ZNF423: variants seen among roughly 807,000 people sequenced by gnomAD.
ZNF423 encodes the protein zinc finger protein 423, also known as Ebf-associated zinc finger protein.
A neutral mutation model predicts 95.8 loss-of-function variants in ZNF423; 12 were observed. The observed-to-expected ratio is 0.13, with a 90% CI of 0.08 to 0.20. The LOEUF (loss-of-function observed/expected upper bound fraction) is 0.20. Among genes scored for constraint, ZNF423 ranks in the 10% least tolerant of loss-of-function variants. ZNF423 has a pLI of 1.00. For synonymous variants in ZNF423, 749 were observed against 711.9 expected, an observed-to-expected ratio of 1.05 and a Z score of -0.83; for missense variants, 1,316 against 1,737.1, an observed-to-expected ratio of 0.76 and a Z score of 4.31.
chr16:49,849,945 A>G (rs1009365540), intron 1 of ZNF423, among the ~76,000 whole-genome samples: 7 of 152,200 alleles, frequency 4.6e-5, no homozygotes, highest in African/African-American at 1.7e-4. Flanking sequence ...TTTCAAAGGG[A>G]TATTACCATC....
intron 7 of ZNF423, among the ~76,000 whole-genome samples, chr16:49,507,083 C>T (rs563509076): frequency 6.6e-6 from 1 of 152,264 alleles, no homozygotes; most frequent in South Asian, 2.1e-4. Context: ...CTTTCTGACC[C>T]TAGCCAAGTC....
chr16:49,848,778 C>T (rs1211652138), intron 1 of ZNF423, among the ~76,000 whole-genome samples: 1 of 152,158 alleles, frequency 6.6e-6, no homozygotes, highest in Non-Finnish European at 1.5e-5. Flanking sequence ...CGGGGGCCCA[C>T]AATTAGTGTC....
At chr16:49,729,547 C>T (rs2033108600) in intron 3 of ZNF423, among the ~76,000 whole-genome samples, 1 of 152,020 alleles carries the variant, frequency 6.6e-6, no homozygotes, top group Non-Finnish European at 1.5e-5. Context: ...ACCATCACCT[C>T]TGCCTCTGGT....
chr16:49,646,373 G>C (rs890082739), intron 3 of ZNF423, among the ~76,000 whole-genome samples: 1 of 152,034 alleles, frequency 6.6e-6, no homozygotes, highest in Non-Finnish European at 1.5e-5. Context: ...CACACCTGAT[G>C]CCAGAACTAG....
At chr16:49,511,836 A>ACC (rs1967910705) in intron 7 of ZNF423, among the ~76,000 whole-genome samples, 1 of 152,178 alleles carries the variant, frequency 6.6e-6, no homozygotes, top group African/African-American at 2.4e-5. Flanking sequence ...CTTGACAGTA[A>ACC]ATAAACCAAG....
At chr16:49,733,866 G>A (rs977282263) in intron 2 of ZNF423, among the ~76,000 whole-genome samples, 1 of 152,204 alleles carries the variant, frequency 6.6e-6, no homozygotes, top group African/African-American at 2.4e-5. Flanking sequence ...GGCAGGGTTT[G>A]CCTCTTGCAA....
At chr16:49,503,412 T>C (rs1481639918) in intron 7 of ZNF423, among the ~76,000 whole-genome samples, 2 of 151,968 alleles carry the variant, frequency 1.3e-5, no homozygotes. Flanking sequence ...CAGATGGCCC[T>C]CCATGGTCTG....
At chr16:49,765,726 T>TA (rs1424903064) in intron 2 of ZNF423, among the ~76,000 whole-genome samples, 4 of 151,456 alleles carry the variant, frequency 2.6e-5, no homozygotes, top group Admixed American at 6.6e-5. Context: ...CCTTGAAAAA[T>TA]AAAAAAATAA....
Position 49,730,801 on chromosome 16 carries a change from T to TCAGGTCTGC in ZNF423, c.262_270dup (p.Ala88_Leu90dup). The TCAGGTCTGC allele has an allele frequency of 6.2e-7, 1 of 1,614,100 alleles. No homozygotes were observed. The highest frequency in any genetic ancestry group is 8.5e-7 in the Non-Finnish European group (1 of 1,180,024). Reference sequence around the variant, plus strand: ...GGACAGCGGTGGGCCCGGTGGTCCGTCAGGTCTGCCAGAGACTCGAAGTCC... The same window carrying TCAGGTCTGC: ...GGACAGCGGTGGGCCCGGTGGTCCGTCAGGTCTGCCAGGTCTGCCAGAGACTCGAAGTCC... On this transcript the variant is annotated inframe_insertion, in exon 3 of 8. Transcript: ENST00000563137.
chr16:49,571,892 C>G (rs1970366984), intron 5 of ZNF423, among the ~76,000 whole-genome samples: 1 of 152,150 alleles, frequency 6.6e-6, no homozygotes, highest in African/African-American at 2.4e-5. Context: ...TTCTTGCTTT[C>G]TTTGCTCCAT....
In ZNF423 at chr16:49,650,729, C is replaced by A. The variant is rs7194905; in HGVS notation, c.302-11855G>T. 3.9e-5 allele frequency among the ~76,000 whole-genome samples: 6 copies of A among 152,296 alleles called. No homozygotes were observed. The East Asian group carries it at 1.2e-3, about 29-fold the overall frequency. ...GCTTACACAGTAAGTTGTGTGGTCA[C>A]CCCAGTAATGAGGAAAAAGAACAGA... On this transcript the variant is annotated intron_variant, in intron 3 of 7. Coordinates refer to ENST00000563137, the MANE Select transcript of ZNF423 (RefSeq NM_001379286.1).
intron 3 of ZNF423, among the ~76,000 whole-genome samples, chr16:49,688,091 A>G (rs1483509329): frequency 5.7e-4 from 9 of 15,716 alleles, no homozygotes; most frequent in South Asian, 5.8e-3. Flanking sequence ...CCTGGTTGAG[A>G]GGGAAAAAAA....
intron 3 of ZNF423, among the ~76,000 whole-genome samples, chr16:49,677,315 G>GGGAAGGGAA (rs1567284187): frequency 1.7e-4 from 3 of 17,652 alleles, no homozygotes; most frequent in African/African-American, 1.4e-4. Flanking sequence ...AGAGAAAGGA[G>GGGAAGGGAA]GGGAAGGGAG....
chr16:49,656,021 A>G, intron 3 of ZNF423, among the ~76,000 whole-genome samples: 1 of 89,440 alleles, frequency 1.1e-5, no homozygotes, highest in Admixed American at 1.3e-4. Flanking sequence ...TCCCACCCCC[A>G]CCCTGGCTAC....
At chr16:49,590,051 T>TATATATATATATATATATATATATCTA (rs879296139) in intron 5 of ZNF423, among the ~76,000 whole-genome samples, 1 of 134,078 alleles carries the variant, frequency 7.5e-6, no homozygotes, top group Non-Finnish European at 1.7e-5. Context: ...TATATATATA[T>TATATATATATATATATATATATATCTA]TTGGTCCATA....
At chr16:49,746,629 C>A (rs1051738235) in intron 2 of ZNF423, among the ~76,000 whole-genome samples, 1 of 152,074 alleles carries the variant, frequency 6.6e-6, no homozygotes, top group African/African-American at 2.4e-5. Context: ...AGGCACCCAC[C>A]ACCACACCTG....
intron 2 of ZNF423, among the ~76,000 whole-genome samples, chr16:49,746,997 G>A (rs1043010836): frequency 4.6e-5 from 7 of 152,162 alleles, no homozygotes; most frequent in South Asian, 2.1e-4. Flanking sequence ...TAGAACCACC[G>A]GGAAAGAAGG....
At position 49,642,697 on chromosome 16, in the gene ZNF423, G is replaced by C. The variant is rs143768549; in HGVS notation, c.302-3823C>G. Among the ~76,000 whole-genome samples, 959 of 152,238 alleles carry C rather than the reference G, an allele frequency of 6.3e-3. 6 individuals carry two copies. The highest frequency in any genetic ancestry group is 9.9e-3 in the Admixed American group (152 of 15,298). On this transcript the variant is annotated intron_variant, in intron 3 of 7. Transcript: ENST00000563137. ...CCCCCTCCAAATGCATTTTGCTTTG[G>C]GGGGACTTAGCTCAGTGCTCTAGAA...
chr16:49,548,037 T>C (rs1482268175), intron 5 of ZNF423, among the ~76,000 whole-genome samples: 3 of 152,192 alleles, frequency 2.0e-5, no homozygotes, highest in African/African-American at 7.2e-5. Flanking sequence ...GGAAAATGTA[T>C]CTGCCACTTT....
Sources: allele counts gnomAD v4.1 joint callset (sites outside exome capture counted in the v4.1 genomes callset), GRCh38; gene constraint gnomAD v4.1.1; transcripts MANE v1.5; gene names NCBI Gene and HGNC (gene_info 2026-07-23, HGNC 2026-07-21).